STAT1: variants seen among roughly 807,000 people sequenced by gnomAD.
The protein encoded by STAT1 is signal transducer and activator of transcription 1, also known as signal transducer and activator of transcription 1-alpha/beta.
A neutral mutation model predicts 111.7 loss-of-function variants in STAT1; 24 were observed. That is an observed-to-expected ratio of 0.21 (90% CI 0.16 to 0.30). The LOEUF (loss-of-function observed/expected upper bound fraction) is 0.30, where lower values mean the gene tolerates loss of function less well. STAT1 is among the 10% of genes least tolerant of loss of function. The probability of loss-of-function intolerance (pLI) is 1.00; values close to 1 mark genes in which losing one functional copy is unlikely to be tolerated. For synonymous variants in STAT1, 332 were observed against 326.5 expected, an observed-to-expected ratio of 1.02 and a Z score of -0.18; for missense variants, 351 against 911.9, an observed-to-expected ratio of 0.38 and a Z score of 7.92.
chr2:190,994,959 A>ATATATATATATATAT (rs1559017192), intron 10 of STAT1, 102 bp downstream of exon 10: 1 of 459,694 alleles, frequency 2.2e-6, no homozygotes, highest in African/African-American at 2.7e-5. Context: ...TATATATATA[A>ATATATATATATATAT]AAAACACCTA....
rs569900393 is a variant in STAT1 at position 190,980,563 on chromosome 2, G to A, written c.1632+57C>T. 22 of 1,566,448 alleles carry A rather than the reference G, an allele frequency of 1.4e-5. No individual in the cohort carries two copies. Among genetic ancestry groups the A allele is most frequent in the Non-Finnish European group, 1.7e-5 (19 of 1,136,494 alleles). On this transcript the variant is annotated intron_variant, in intron 19 of 24. Transcript: ENST00000361099. The surrounding 1 kb of genome is among the most constrained non-coding windows in gnomAD (Gnocchi z 6.1). Reference sequence around the variant, plus strand: ...GTAACTATCACAGCAAGAAACATGAGAACCTCAACCAAGAGCAAAAAGGAC... The same window carrying A: ...GTAACTATCACAGCAAGAAACATGAAAACCTCAACCAAGAGCAAAAAGGAC...
Position 190,993,606 on chromosome 2 carries a change from T to C in STAT1, c.944+1455A>G, listed in dbSNP as rs1375016087. ...CCACCGCTGCCACGGCCACCCTTGC[T>C]GCTACAGCTGCTGCCCTGACTCTCT... On this transcript the variant is annotated intron_variant, in intron 10 of 24. Transcript: ENST00000361099. The surrounding 1 kb of genome is among the most constrained non-coding windows in gnomAD (Gnocchi z 4.1). The C allele has an allele frequency of 6.9e-6, 4 of 583,688 alleles. No homozygotes were observed. Among genetic ancestry groups the C allele is most frequent in the Non-Finnish European group, 1.3e-5 (4 of 299,230 alleles). The allele number at this position is 583,688 out of a possible 1,614,324, so 36.2% of individuals were successfully genotyped here. A position where few individuals can be genotyped will look rare whatever the true frequency, so the allele number is the denominator to read the frequency against.
chr2:190,972,848 T>C (rs1179463429), intron 24 of STAT1, among the ~76,000 whole-genome samples: 1 of 149,918 alleles, frequency 6.7e-6, no homozygotes, highest in Non-Finnish European at 1.5e-5. Flanking sequence ...TGTGTGTGTG[T>C]GTGTGAAATG....
chr2:191,009,119 A>G lies in STAT1; in HGVS notation c.129-12T>C. On this transcript the variant is annotated splice_polypyrimidine_tract_variant and intron_variant, in intron 3 of 24. Coordinates refer to ENST00000361099, the MANE Select transcript of STAT1 (RefSeq NM_007315.4). ...TGGCAGCGTGCTCCCTAGGAGATTT[A>G]ACATTTACACATTTCATTCTAGAAC... is the stretch of plus-strand genomic sequence containing the variant. The G allele has an allele frequency of 6.2e-7, 1 of 1,614,040 alleles. No homozygotes were observed. The highest frequency in any genetic ancestry group is 8.5e-7 in the Non-Finnish European group (1 of 1,179,912).
chr2:190,999,689 T>G lies in STAT1; in HGVS notation c.478A>C (p.Ile160Leu), dbSNP rs371548986. ...KDKVMCIEHE[I>L]KSLEDLQDEY... Reference sequence around the variant, plus strand: ...TCTTGTAAATCTTCCAGGCTCTTGATTTCATGCTCTATACACTACAAACAA... The same window carrying G: ...TCTTGTAAATCTTCCAGGCTCTTGAGTTCATGCTCTATACACTACAAACAA... Residue 160 changes from isoleucine (I) to leucine (L), a missense_variant, in exon 7 of 25, where the codon ATC becomes CTC. Coordinates refer to ENST00000361099, the MANE Select transcript of STAT1 (RefSeq NM_007315.4). This position sits in a 1 kb window ranked among gnomAD's most constrained non-coding sequence, Gnocchi z 4.1. The G allele has an allele frequency of 4.5e-5, 72 of 1,613,058 alleles. No homozygotes were observed. The highest frequency in any genetic ancestry group is 5.8e-5 in the Non-Finnish European group (68 of 1,179,208).
In STAT1 at chr2:191,003,090, TTTTTG is replaced by T. The variant is rs1215113302; in HGVS notation, c.373-1932_373-1928del. ...CTCATAAGTAAAATTGGTCCATAATTTTTTGTTTTATCTTTATCAGGCATACGTCA... is the reference window on the plus strand; with the variant it reads ...CTCATAAGTAAAATTGGTCCATAATTTTTTATCTTTATCAGGCATACGTCA... On this transcript the variant is annotated intron_variant, in intron 5 of 24. Coordinates refer to ENST00000361099, the MANE Select transcript of STAT1 (RefSeq NM_007315.4). The surrounding 1 kb of genome is among the most constrained non-coding windows in gnomAD (Gnocchi z 4.0). Among the ~76,000 whole-genome samples, 2 of 152,208 alleles carry T rather than the reference TTTTTG, an allele frequency of 1.3e-5. No homozygotes were observed. The highest frequency in any genetic ancestry group is 4.8e-5 in the African/African-American group (2 of 41,442).
Position 190,996,822 on chromosome 2 carries a change from A to T in STAT1, c.785+1034T>A, listed in dbSNP as rs1351080142. On this transcript the variant is annotated intron_variant, in intron 9 of 24. Coordinates refer to ENST00000361099, the MANE Select transcript of STAT1 (RefSeq NM_007315.4). This position sits in a 1 kb window ranked among gnomAD's most constrained non-coding sequence, Gnocchi z 4.5. ...CACCTTCCCTCATGTTCACTCTGTG[A>T]TTCCAAGTTCAGCTCCTGTTGCCCC... is the stretch of plus-strand genomic sequence containing the variant. Among the ~76,000 whole-genome samples, 4 of 152,184 alleles carry T rather than the reference A, an allele frequency of 2.6e-5. No homozygotes were observed. The highest frequency in any genetic ancestry group is 5.9e-5 in the Non-Finnish European group (4 of 68,028).
At position 190,995,332 on chromosome 2, in the gene STAT1, C is replaced by T. The variant is rs548649963; in HGVS notation, c.786-113G>A. The T allele has an allele frequency of 3.9e-4, 424 of 1,074,384 alleles. No individual in the cohort carries two copies. Among genetic ancestry groups the T allele is most frequent in the Non-Finnish European group, 5.7e-4 (401 of 703,816 alleles). 66.6% of individuals were successfully genotyped at this position (1,074,384 alleles called of 1,614,324 possible). Reference sequence around the variant, plus strand: ...CTCATGCTGCTAATAAAGACATACTCGAGACTGGAGAATTTATAAAGGAAA... The same window carrying T: ...CTCATGCTGCTAATAAAGACATACTTGAGACTGGAGAATTTATAAAGGAAA... On this transcript the variant is annotated intron_variant, in intron 9 of 24. Coordinates refer to ENST00000361099, the MANE Select transcript of STAT1 (RefSeq NM_007315.4). This position sits in a 1 kb window ranked among gnomAD's most constrained non-coding sequence, Gnocchi z 4.2.
intron 10 of STAT1, among the ~76,000 whole-genome samples, chr2:190,992,182 A>G (rs917373502): frequency 6.6e-6 from 1 of 152,180 alleles, no homozygotes; most frequent in Non-Finnish European, 1.5e-5. Context: ...TCCATTTATA[A>G]CTCTACAAGG....
At position 191,004,307 on chromosome 2, in the gene STAT1, G is replaced by A. The variant is rs1013987489; in HGVS notation, c.373-3144C>T. On this transcript the variant is annotated intron_variant, in intron 5 of 24. Coordinates refer to ENST00000361099, the MANE Select transcript of STAT1 (RefSeq NM_007315.4). The surrounding 1 kb of genome is among the most constrained non-coding windows in gnomAD (Gnocchi z 5.0). ...AAACACTGAAGTTGGAAGGGACTTC[G>A]GCTGTCATTGACTCTTACTTTCTCG... Among the ~76,000 whole-genome samples the A allele has an allele frequency of 6.6e-6, 1 of 152,198 alleles. No homozygotes were observed. The highest frequency in any genetic ancestry group is 1.5e-5 in the Non-Finnish European group (1 of 68,036).
At chr2:191,011,181 T>C (rs778811097) in intron 2 of STAT1, among the ~76,000 whole-genome samples, 2 of 152,218 alleles carry the variant, frequency 1.3e-5, no homozygotes, top group African/African-American at 2.4e-5. Flanking sequence ...TATCCTCATA[T>C]ATACCAGTAG....
In STAT1 at chr2:190,984,672, C is replaced by T. The variant is rs796640245; in HGVS notation, c.1264-279G>A. On this transcript the variant is annotated intron_variant, in intron 15 of 24. Transcript: ENST00000361099. The surrounding 1 kb of genome is among the most constrained non-coding windows in gnomAD (Gnocchi z 5.2). ...AATGGCTTTGTGACCTAAGGCTTCT[C>T]GACCCTCAGCTCTGTCTGCCTGCCC... Among the ~76,000 whole-genome samples the T allele has an allele frequency of 3.9e-5, 6 of 152,292 alleles. No individual in the cohort carries two copies. The highest frequency in any genetic ancestry group is 9.6e-5 in the African/African-American group (4 of 41,550).
In STAT1 at chr2:190,975,213, A is replaced by C. The variant is rs1350605256; in HGVS notation, c.2136-281T>G. 6.4e-6 allele frequency: 3 copies of C among 469,286 alleles called. No individual in the cohort carries two copies. Among genetic ancestry groups the C allele is most frequent in the Non-Finnish European group, 1.3e-5 (3 of 238,104 alleles). 29.1% of individuals were successfully genotyped at this position (469,286 alleles called of 1,614,324 possible). ...TTCTGCCTGGGTAAGCCTAGGTGTGAGCATGTGCGGTGCACTACCCTGAGA... is the reference window on the plus strand; with the variant it reads ...TTCTGCCTGGGTAAGCCTAGGTGTGCGCATGTGCGGTGCACTACCCTGAGA... On this transcript the variant is annotated intron_variant, in intron 23 of 24. Transcript: ENST00000361099. This position sits in a 1 kb window ranked among gnomAD's most constrained non-coding sequence, Gnocchi z 5.9.
Position 190,986,505 on chromosome 2 carries a change from T to G in STAT1, c.1221+349A>C, listed in dbSNP as rs1692832752. 6.6e-6 allele frequency among the ~76,000 whole-genome samples: 1 copy of G among 152,162 alleles called. No homozygotes were observed. Among genetic ancestry groups the G allele is most frequent in the South Asian group, 2.1e-4 (1 of 4,826 alleles). ...GAACCCTGGTGTACAGGACCACACT[T>G]GGATCACAGTCAGGACACGGGAGCC... On this transcript the variant is annotated intron_variant, in intron 14 of 24. Coordinates refer to ENST00000361099, the MANE Select transcript of STAT1 (RefSeq NM_007315.4). This position sits in a 1 kb window ranked among gnomAD's most constrained non-coding sequence, Gnocchi z 5.0.
At position 190,989,834 on chromosome 2, in the gene STAT1, TG is replaced by T. The variant is rs1359017599; in HGVS notation, c.1038-161del. Among the ~76,000 whole-genome samples, 4 of 152,202 alleles carry T rather than the reference TG, an allele frequency of 2.6e-5. No homozygotes were observed. Among genetic ancestry groups the T allele is most frequent in the African/African-American group, 2.4e-5 (1 of 41,442 alleles). ...AGTTTTGTAGATCTACTTAAATTTT[TG>T]TAAGTGTATTTGTAAGAATAAATTC... On this transcript the variant is annotated intron_variant, in intron 11 of 24. Coordinates refer to ENST00000361099, the MANE Select transcript of STAT1 (RefSeq NM_007315.4). The surrounding 1 kb of genome is among the most constrained non-coding windows in gnomAD (Gnocchi z 5.0).
chr2:190,980,758 G>A lies in STAT1; in HGVS notation c.1583-89C>T. ...GATGGCTCTTGTATTTGCTCTCAAGGAAAAGAGCCAAACACCCAACAAAGA... is the reference window on the plus strand; with the variant it reads ...GATGGCTCTTGTATTTGCTCTCAAGAAAAAGAGCCAAACACCCAACAAAGA... On this transcript the variant is annotated intron_variant, in intron 18 of 24. Transcript: ENST00000361099. This position sits in a 1 kb window ranked among gnomAD's most constrained non-coding sequence, Gnocchi z 6.1. 2.3e-6 allele frequency: 3 copies of A among 1,319,586 alleles called. No individual in the cohort carries two copies. In the East Asian group the frequency reaches 7.0e-5, roughly 31 times the overall value. 81.7% of individuals were successfully genotyped at this position (1,319,586 alleles called of 1,614,324 possible).
In STAT1 at chr2:190,978,453, T is replaced by C. The variant is rs1220233237; in HGVS notation, c.1873+403A>G. 2 of 296,126 alleles carry C rather than the reference T, an allele frequency of 6.8e-6. No homozygotes were observed. The highest frequency in any genetic ancestry group is 4.2e-5 in the Admixed American group (1 of 23,638). The allele number at this position is 296,126 out of a possible 1,614,324, so 18.3% of individuals were successfully genotyped here. ...TCAACTCCCTGGCTGATGATGTGTA[T>C]GAAGTCTTCTCCCGAAGCCTGTCTC... On this transcript the variant is annotated intron_variant, in intron 21 of 24. Coordinates refer to ENST00000361099, the MANE Select transcript of STAT1 (RefSeq NM_007315.4). The surrounding 1 kb of genome is among the most constrained non-coding windows in gnomAD (Gnocchi z 6.1).
At position 190,978,693 on chromosome 2, in the gene STAT1, T is replaced by G; in HGVS notation, c.1873+163A>C. The G allele has an allele frequency of 1.6e-5, 14 of 852,438 alleles. No individual in the cohort carries two copies. The highest frequency in any genetic ancestry group is 2.3e-5 in the Non-Finnish European group (12 of 533,244). 52.8% of individuals were successfully genotyped at this position (852,438 alleles called of 1,614,324 possible). On this transcript the variant is annotated intron_variant, in intron 21 of 24. Transcript: ENST00000361099. The surrounding 1 kb of genome is among the most constrained non-coding windows in gnomAD (Gnocchi z 6.1). The stretch of plus-strand genomic sequence containing the variant: ...AGAGAGTGAACCACAACCACAAACA[T>G]TTGTGGTGGTTTATTAAATCCTATC...
At position 190,979,711 on chromosome 2, in the gene STAT1, C is replaced by T. The variant is rs1692207434; in HGVS notation, c.1727+61G>A. 7.3e-6 allele frequency: 10 copies of T among 1,362,078 alleles called. No individual in the cohort carries two copies. The Admixed American group carries it at 1.7e-4, about 23-fold the overall frequency. 84.4% of individuals were successfully genotyped at this position (1,362,078 alleles called of 1,614,324 possible). ...TCAAATACTGAAGCTGGACTCAGGC[C>T]TTGTCTCAACCTCGCAGCACTAAAA... On this transcript the variant is annotated intron_variant, in intron 20 of 24. Coordinates refer to ENST00000361099, the MANE Select transcript of STAT1 (RefSeq NM_007315.4). This position sits in a 1 kb window ranked among gnomAD's most constrained non-coding sequence, Gnocchi z 5.8.
Sources: gnomAD v4.1 joint callset for allele counts (sites outside exome capture counted in the v4.1 genomes callset) on GRCh38, gnomAD v4.1.1 for gene constraint, Gnocchi (gnomAD v3.1) non-coding constraint, MANE v1.5 for transcripts, NCBI Gene and HGNC (gene_info 2026-07-23, HGNC 2026-07-21) for gene names.